MFN1: variants seen among roughly 807,000 people sequenced by gnomAD.
MFN1 encodes the protein mitofusin-1.
In MFN1, 65 loss-of-function variants were observed where a neutral mutation model predicts 92.4. The observed-to-expected ratio is 0.70, with a 90% confidence interval of 0.58 to 0.86. MFN1 has a LOEUF of 0.86. MFN1 is among the 40% of genes least tolerant of loss of function. The probability of loss-of-function intolerance (pLI) is 0.00; values close to 1 mark genes in which losing one functional copy is unlikely to be tolerated. For missense variants in MFN1, 781 were observed against 868.0 expected (o/e 0.90, Z 1.26); for synonymous variants, 297 against 300.9 (o/e 0.99, Z 0.13).
chr3:179,364,437 G>A (rs1233131244), intron 6 of MFN1, 32 bp downstream of exon 6: 1 of 1,454,964 alleles, frequency 6.9e-7, no homozygotes, highest in Non-Finnish European at 9.6e-7. Flanking sequence ...GTGTTTCGAT[G>A]GTAGGAAATG....
chr3:179,355,017 G>A (rs966657661), intron 3 of MFN1, among the ~76,000 whole-genome samples: 4 of 151,976 alleles, frequency 2.6e-5, no homozygotes, highest in Non-Finnish European at 2.9e-5. Context: ...GCCTGGTCTC[G>A]AACTCCTGAC....
chr3:179,360,404 A>G (rs1175822102), intron 4 of MFN1, among the ~76,000 whole-genome samples: 1 of 152,060 alleles, frequency 6.6e-6, no homozygotes, highest in Non-Finnish European at 1.5e-5. Flanking sequence ...TGTTTTTGAT[A>G]TGTATCTGTG....
Position 179,367,764 on chromosome 3 carries a change from A to C in MFN1, c.907+172A>C, listed in dbSNP as rs563655961. Among the ~76,000 whole-genome samples the C allele has an allele frequency of 5.9e-5, 9 of 151,964 alleles. No homozygotes were observed. The East Asian group carries it at 1.7e-3, about 29-fold the overall frequency. On this transcript the variant is annotated intron_variant, in intron 8 of 17. Coordinates refer to ENST00000471841, the MANE Select transcript of MFN1 (RefSeq NM_033540.3). ...ATGGTGAAACCCCATCTCTACTAAA[A>C]ATACAAAAATTAGCTGGGCATGGTG... is the stretch of plus-strand genomic sequence containing the variant.
At chr3:179,389,870 T>C (rs527725664) in intron 16 of MFN1, 134 bp from the exon 17 acceptor site, 13 of 745,408 alleles carry the variant, frequency 1.7e-5, no homozygotes, top group Non-Finnish European at 2.6e-5. Flanking sequence ...TTCCCTCTTA[T>C]CATTCTTAGT....
intron 16 of MFN1, among the ~76,000 whole-genome samples, chr3:179,389,008 T>A (rs1012063999): frequency 5.3e-5 from 8 of 152,186 alleles, no homozygotes; most frequent in African/African-American, 1.9e-4. Flanking sequence ...GCAGTAGTAT[T>A]TGAAATTGTT....
chr3:179,394,570 C>T lies in MFN1; in HGVS notation c.*2511C>T, dbSNP rs929432354. On this transcript the variant is annotated 3_prime_UTR_variant, in exon 18 of 18. Transcript: ENST00000471841. ...AGCTGGGACTACAGGCGCCCGCCAC[C>T]ACGCCCGGCTAATTTTTTGTATTTT... 6.6e-6 allele frequency: 1 copy of T among 151,652 alleles called. No homozygotes were observed. The highest frequency in any genetic ancestry group is 2.4e-5 in the African/African-American group (1 of 41,250). The allele number at this position is 151,652 out of a possible 1,614,324, so 9.4% of individuals were successfully genotyped here. A position where few individuals can be genotyped will look rare whatever the true frequency, so the allele number is the denominator to read the frequency against.
chr3:179,376,849 C>A, intron 10 of MFN1, 193 bp from the exon 11 acceptor site: 1 of 426,548 alleles, frequency 2.3e-6, no homozygotes, highest in Non-Finnish European at 4.1e-6. Context: ...GGCAGAGAAA[C>A]GTGGTTTCTA....
Position 179,351,988 on chromosome 3 carries a change from T to C in MFN1, c.201T>C (p.Ile67=). ...MQGYKDKLSI[I]GEVLSRRHMK... ...GATATAAAGACAAGCTTTCCATCAT[T>C]GGTGAGGTGCTATCTCGGAGACACA... The change falls in exon 3 of 18, where the codon ATT becomes ATC. Residue 67 remains isoleucine, a synonymous_variant. Coordinates refer to ENST00000471841, the MANE Select transcript of MFN1 (RefSeq NM_033540.3). 6.2e-7 allele frequency: 1 copy of C among 1,609,980 alleles called. No homozygotes were observed. Among genetic ancestry groups the C allele is most frequent in the Non-Finnish European group, 8.5e-7 (1 of 1,176,986 alleles).
intron 4 of MFN1, among the ~76,000 whole-genome samples, chr3:179,360,549 CAAAA>C (rs5854830): frequency 4.2e-5 from 6 of 143,360 alleles, no homozygotes; most frequent in Non-Finnish European, 3.1e-5. Flanking sequence ...CTCCTTCAGC[CAAAA>C]AAAAAAAAAA....
chr3:179,389,600 A>C (rs1458700352), intron 16 of MFN1, among the ~76,000 whole-genome samples: 1 of 152,196 alleles, frequency 6.6e-6, no homozygotes, highest in Non-Finnish European at 1.5e-5. Context: ...CCTCAAATAT[A>C]ACCCTTTGAT....
chr3:179,378,312 A>G (rs1713328326), intron 12 of MFN1, 29 bp from the exon 13 acceptor site: 2 of 1,471,128 alleles, frequency 1.4e-6, no homozygotes, highest in Non-Finnish European at 1.9e-6. Flanking sequence ...TGGAGAAAAA[A>G]TAATATGGAT....
intron 9 of MFN1, among the ~76,000 whole-genome samples, chr3:179,373,200 T>C (rs1713090661): frequency 6.6e-6 from 1 of 152,220 alleles, no homozygotes. Context: ...TTTTGTTTTC[T>C]CTACCTCAAA....
chr3:179,379,496 C>T (rs779077370), intron 14 of MFN1, among the ~76,000 whole-genome samples: 2 of 152,014 alleles, frequency 1.3e-5, no homozygotes, highest in African/African-American at 2.4e-5. Context: ...TGGGATTATA[C>T]GCACCCACCA....
At chr3:179,376,946 G>T in intron 10 of MFN1, 96 bp from the exon 11 acceptor site, 1 of 1,184,296 alleles carries the variant, frequency 8.4e-7, no homozygotes, top group Non-Finnish European at 1.1e-6. Flanking sequence ...CTTGAGTCAT[G>T]CTAATAGATG....
chr3:179,364,480 G>A, intron 6 of MFN1, 75 bp downstream of exon 6: 2 of 1,181,772 alleles, frequency 1.7e-6, no homozygotes, highest in Non-Finnish European at 1.2e-6. Context: ...GAAAAGCAAG[G>A]GAAATCCATA....
In MFN1 at chr3:179,377,107, AC is replaced by A. The variant is rs1713268923; in HGVS notation, c.1165del (p.Leu389PhefsTer2). 1 of 1,613,834 alleles carries A rather than the reference AC, an allele frequency of 6.2e-7. No homozygotes were observed. The highest frequency in any genetic ancestry group is 1.3e-5 in the African/African-American group (1 of 75,022). On this transcript the variant is annotated frameshift_variant, in exon 11 of 18. Transcript: ENST00000471841. LOFTEE classifies it high-confidence loss of function. ...DRLDFIRNQM[N>X]LLTLDVKKKI... Reference sequence around the variant, plus strand: ...CTGGACTTTATTCGAAACCAGATGAACCTTTTAACACTGGATGTTAAGAAAA... The same window carrying A: ...CTGGACTTTATTCGAAACCAGATGAACTTTTAACACTGGATGTTAAGAAAA...
intron 3 of MFN1, among the ~76,000 whole-genome samples, chr3:179,357,649 A>G (rs374088350): frequency 2.1e-4 from 32 of 152,360 alleles, no homozygotes; most frequent in African/African-American, 7.5e-4. Context: ...GGTTGACTTA[A>G]TGGAAAGCAA....
chr3:179,373,450 C>T (rs1713098433), intron 9 of MFN1, among the ~76,000 whole-genome samples: 1 of 151,958 alleles, frequency 6.6e-6, no homozygotes, highest in Admixed American at 6.5e-5. Flanking sequence ...AAGCAATTAC[C>T]ACAATTTGTA....
At chr3:179,376,667 G>A (rs778796522) in intron 10 of MFN1, among the ~76,000 whole-genome samples, 2 of 152,202 alleles carry the variant, frequency 1.3e-5, no homozygotes, top group Non-Finnish European at 2.9e-5. Context: ...GTGTGGCTGT[G>A]TTTCAAGAAA....
Sources: gnomAD v4.1 joint callset for allele counts (sites outside exome capture counted in the v4.1 genomes callset) on GRCh38, gnomAD v4.1.1 for gene constraint, MANE v1.5 for transcripts, NCBI Gene and HGNC (gene_info 2026-07-23, HGNC 2026-07-21) for gene names.